Variants in PLK2 observed in about 807,000 individuals in gnomAD.
The protein encoded by PLK2 is serine/threonine-protein kinase PLK2.
A neutral mutation model predicts 78.1 loss-of-function variants in PLK2; 25 were observed. The observed-to-expected ratio is 0.32, with a 90% CI of 0.23 to 0.45. The LOEUF is 0.45. Among genes scored for constraint, PLK2 ranks in the 20% least tolerant of loss-of-function variants. The probability of loss-of-function intolerance (pLI) is 1.00; values close to 1 mark genes in which losing one functional copy is unlikely to be tolerated. For synonymous variants in PLK2, 332 were observed against 298.2 expected, an observed-to-expected ratio of 1.11 and a Z score of -1.17; for missense variants, 566 against 840.2, an observed-to-expected ratio of 0.67 and a Z score of 4.04.
chr5:58,458,366 C>T (rs375589304), intron 4 of PLK2, 33 bp downstream of exon 4: 50 of 1,608,826 alleles, frequency 3.1e-5, no homozygotes, highest in Non-Finnish European at 4.0e-5. Flanking sequence ...AGAACTCTAA[C>T]ACAAAACTCA....
At chr5:58,455,970 AT>A (rs1488471512) in intron 10 of PLK2, 55 bp downstream of exon 10, 1 of 1,572,828 alleles carries the variant, frequency 6.4e-7, no homozygotes, top group African/African-American at 1.4e-5. Flanking sequence ...ATTATTATGT[AT>A]TTAGCACTGG....
At chr5:58,459,653 C>T (rs1476000226) in intron 1 of PLK2, 37 bp downstream of exon 1, 2 of 1,516,274 alleles carry the variant, frequency 1.3e-6, no homozygotes, top group African/African-American at 2.8e-5. Flanking sequence ...GACAGACCTC[C>T]CGCCCGCCCG....
Position 58,454,475 on chromosome 5 carries a change from A to G in PLK2, c.*108T>C. On this transcript the variant is annotated 3_prime_UTR_variant, in exon 14 of 14. Coordinates refer to ENST00000274289, the MANE Select transcript of PLK2 (RefSeq NM_006622.4). ...CAGGCCACAGGGGAATTGTTTTCGTACCACCACATGTCCATCTTCTTCAAC... is the reference window on the plus strand; with the variant it reads ...CAGGCCACAGGGGAATTGTTTTCGTGCCACCACATGTCCATCTTCTTCAAC... The G allele has an allele frequency of 1.3e-6, 1 of 789,030 alleles. No individual in the cohort carries two copies. Among genetic ancestry groups the G allele is most frequent in the Non-Finnish European group, 2.1e-6 (1 of 481,488 alleles). 48.9% of individuals were successfully genotyped at this position (789,030 alleles called of 1,614,324 possible). A position where few individuals can be genotyped will look rare whatever the true frequency, so the allele number is the denominator to read the frequency against.
At position 58,457,538 on chromosome 5, in the gene PLK2, G is replaced by A. The variant is rs1743642378; in HGVS notation, c.759C>T (p.Asn253=). Residue 253 remains asparagine (N), a synonymous_variant, in exon 6 of 14, where the codon AAC becomes AAT. Coordinates refer to ENST00000274289, the MANE Select transcript of PLK2 (RefSeq NM_006622.4). ...CTGATTCACAGCCATGTCCTTGTTT[G>A]TTGAGGACTTCAGGAGAGAGATAAT... is the stretch of plus-strand genomic sequence containing the variant. ...TPNYLSPEVL[N]KQGHGCESDI... 2 of 1,613,052 alleles carry A rather than the reference G, an allele frequency of 1.2e-6. No homozygotes were observed. The highest frequency in any genetic ancestry group is 2.2e-5 in the East Asian group (1 of 44,888).
chr5:58,456,890 C>T, intron 8 of PLK2, 55 bp downstream of exon 8: 6 of 1,197,268 alleles, frequency 5.0e-6, no homozygotes, highest in South Asian at 4.8e-5. Context: ...ACTAATTTAC[C>T]AAATTTAAAT....
Position 58,455,769 on chromosome 5 carries a change from G to A in PLK2, c.1395C>T (p.Asp465=). The change falls in exon 11 of 14, where the codon GAC becomes GAT. Residue 465 remains aspartate (D), a synonymous_variant. Coordinates refer to ENST00000274289, the MANE Select transcript of PLK2 (RefSeq NM_006622.4). ...TGTCTGCAACACTTCCCATGGTACT[G>A]TCTTCAAGGCCTGAAAAGTCAGACA... ...SCSSSSECLE[D]STMGSVADTV... 1 of 1,613,302 alleles carries A rather than the reference G, an allele frequency of 6.2e-7. No individual in the cohort carries two copies. The highest frequency in any genetic ancestry group is 1.1e-5 in the South Asian group (1 of 91,078).
Position 58,455,996 on chromosome 5 carries a change from T to C in PLK2, c.1384+30A>G, listed in dbSNP as rs774007596. The C allele has an allele frequency of 3.8e-6, 6 of 1,598,326 alleles. No individual in the cohort carries two copies. In the South Asian group the frequency reaches 4.5e-5, roughly 12 times the overall value. On this transcript the variant is annotated intron_variant, in intron 10 of 13. Coordinates refer to ENST00000274289, the MANE Select transcript of PLK2 (RefSeq NM_006622.4). ...TTTAGCACTGGCATTTCGAGTTTCA[T>C]TATTTAAAATACGATTGACAACCAC...
rs537147486 is a variant in PLK2, at chr5:58,456,952, G to A, written c.1149C>T (p.Asp383=). ...GAAGTCTTGTTAACTTACTATGTGT[G>A]TCAATATATCTTGCTTTGTCTTTTT... is the stretch of plus-strand genomic sequence containing the variant. ...GGKKDKARYI[D]THNRVSKEDE... The change falls in exon 8 of 14, where the codon GAC becomes GAT. Residue 383 remains aspartate (D), a synonymous_variant. Coordinates refer to ENST00000274289, the MANE Select transcript of PLK2 (RefSeq NM_006622.4). 1.2e-5 allele frequency: 19 copies of A among 1,599,744 alleles called. No individual in the cohort carries two copies. In the East Asian group the frequency reaches 3.8e-4, roughly 32 times the overall value.
chr5:58,455,370 G>A lies in PLK2; in HGVS notation c.1670C>T (p.Pro557Leu). 1 of 1,613,996 alleles carries A rather than the reference G, an allele frequency of 6.2e-7. No homozygotes were observed. Among genetic ancestry groups the A allele is most frequent in the Non-Finnish European group, 8.5e-7 (1 of 1,179,888 alleles). Residue 557 changes from proline to leucine, a missense_variant, in exon 12 of 14, where the codon CCA (proline) becomes CTA (leucine). Physicochemically the swap from Pro to Leu is moderately conservative, Grantham distance 98. Transcript: ENST00000274289. ...AAATTGCTCAGGAGCATCTGTTGCTGGGAAAACTGAGCATTGGCCAAGCTC... is the reference window on the plus strand; with the variant it reads ...AAATTGCTCAGGAGCATCTGTTGCTAGGAAAACTGAGCATTGGCCAAGCTC... ...YAELGQCSVF[P>L]ATDAPEQFIS...
rs1338885665 is a variant in PLK2 at position 58,457,043 on chromosome 5, T to C, written c.1058A>G (p.Asp353Gly). 6.2e-7 allele frequency: 1 copy of C among 1,613,632 alleles called. No individual in the cohort carries two copies. Among genetic ancestry groups the C allele is most frequent in the Non-Finnish European group, 8.5e-7 (1 of 1,179,814 alleles). ...LSSSCCHTVP[D>G]FHLSSPAKNF... ...CTTAGCTGGGCTTGATAAGTGGAAATCTGGAACTGTATGACAACAGCTAGA... is the reference window on the plus strand; with the variant it reads ...CTTAGCTGGGCTTGATAAGTGGAAACCTGGAACTGTATGACAACAGCTAGA... The change falls in exon 8 of 14, where the codon GAT becomes GGT. Residue 353 changes from aspartate (D) to glycine (G), a missense_variant. Asp to Gly is a moderately conservative substitution (Grantham distance 94). Around this residue, in one of 5 missense-constraint regions of PLK2, gnomAD observed 179 missense variants for 342.3 expected, o/e 0.52. Transcript: ENST00000274289.
chr5:58,458,900 AT>A, intron 2 of PLK2, 59 bp from the exon 3 acceptor site: 1 of 1,309,490 alleles, frequency 7.6e-7, no homozygotes, highest in Non-Finnish European at 1.1e-6. Flanking sequence ...AAAGCCAGTG[AT>A]TACACATGCA....
chr5:58,458,342 CAGAGAG>C lies in PLK2; in HGVS notation c.625+51_625+56del, dbSNP rs750559216. On this transcript the variant is annotated intron_variant, in intron 4 of 13. Coordinates refer to ENST00000274289, the MANE Select transcript of PLK2 (RefSeq NM_006622.4). ...AAGAACATTAATATGTAAAAAAAAA[CAGAGAG>C]AGAAAAAAGAACTCTAACACAAAAC... The C allele has an allele frequency of 3.4e-4, 530 of 1,568,292 alleles. 3 individuals are homozygous for C. In the African/African-American group the frequency reaches 6.2e-3, roughly 18 times the overall value.
At chr5:58,457,613 A>C in intron 5 of PLK2, 30 bp from the exon 6 acceptor site, 1 of 1,292,798 alleles carries the variant, frequency 7.7e-7, no homozygotes, top group African/African-American at 1.5e-5. Context: ...AGATCGTGTT[A>C]GGAACTATTC....
In PLK2 at chr5:58,457,167, GATA is replaced by G. The variant is rs1561216379; in HGVS notation, c.1008+11_1008+13del. ...CAATACCAGGTAATTAAAAAAAAAA[GATA>G]GTGCACCAACCTGCAAAAAAAAGTC... On this transcript the variant is annotated intron_variant, in intron 7 of 13. Transcript: ENST00000274289. The G allele has an allele frequency of 1.2e-6, 2 of 1,609,444 alleles. No individual in the cohort carries two copies. Among genetic ancestry groups the G allele is most frequent in the Admixed American group, 3.4e-5 (2 of 59,636 alleles).
chr5:58,457,030 T>C lies in PLK2; in HGVS notation c.1071A>G (p.Ser357=). 3 of 1,613,690 alleles carry C rather than the reference T, an allele frequency of 1.9e-6. No individual in the cohort carries two copies. In the South Asian group the frequency reaches 3.3e-5, roughly 18 times the overall value. ...TCTTAAAGAAATTCTTAGCTGGGCT[T>C]GATAAGTGGAAATCTGGAACTGTAT... is the stretch of plus-strand genomic sequence containing the variant. The part of the protein sequence containing the change: ...CCHTVPDFHL[S]SPAKNFFKKA... The change falls in exon 8 of 14, where the codon TCA becomes TCG. Residue 357 remains serine (S), a synonymous_variant. Transcript: ENST00000274289.
chr5:58,459,565 C>A (rs73094329), intron 1 of PLK2, 125 bp downstream of exon 1: 11,270 of 807,212 alleles, frequency 0.014, 337 homozygotes, highest in East Asian at 0.083. Context: ...GCCCACCTCG[C>A]GCTGGGATCG....
At chr5:58,458,899 G>C in intron 2 of PLK2, 58 bp from the exon 3 acceptor site, 1 of 1,304,952 alleles carries the variant, frequency 7.7e-7, no homozygotes, top group Admixed American at 1.7e-5. Context: ...AAAAGCCAGT[G>C]ATTACACATG....
Position 58,455,540 on chromosome 5 carries a change from T to C in PLK2, c.1624A>G (p.Lys542Glu), listed in dbSNP as rs1168187402. The change falls in exon 11 of 14, where the codon AAA becomes GAA. Residue 542 changes from lysine to glutamate, a missense_variant and splice_region_variant. Coordinates refer to ENST00000274289, the MANE Select transcript of PLK2 (RefSeq NM_006622.4). ...GATTTCATTAATTGATACACTTACT[T>C]TTTGTCTGGAAGGAGGCTCATGTGA... ...GAHMSLLPDKKTVHYYAELGQ... is the reference protein window; with the variant it reads ...GAHMSLLPDKETVHYYAELGQ... 1 of 1,614,104 alleles carries C rather than the reference T, an allele frequency of 6.2e-7. No homozygotes were observed. Among genetic ancestry groups the C allele is most frequent in the Admixed American group, 1.7e-5 (1 of 60,026 alleles).
At position 58,457,247 on chromosome 5, in the gene PLK2, C is replaced by T; in HGVS notation, c.942G>A (p.Met314Ile). ...LAPAKHLIAS[M>I]LSKNPEDRPS... Reference sequence around the variant, plus strand: ...GACGATCCTCTGGGTTTTTGGACAACATACTAGCAATTAAGTGCTTGGCAG... The same window carrying T: ...GACGATCCTCTGGGTTTTTGGACAATATACTAGCAATTAAGTGCTTGGCAG... Residue 314 changes from methionine to isoleucine, a missense_variant, in exon 7 of 14, where the codon ATG becomes ATA. Coordinates refer to ENST00000274289, the MANE Select transcript of PLK2 (RefSeq NM_006622.4). The T allele has an allele frequency of 6.2e-7, 1 of 1,614,058 alleles. No individual in the cohort carries two copies. Among genetic ancestry groups the T allele is most frequent in the Non-Finnish European group, 8.5e-7 (1 of 1,179,994 alleles).
Sources: allele counts gnomAD v4.1 joint callset, GRCh38; gene constraint gnomAD v4.1.1; regional missense constraint gnomAD v4.1.1; transcripts MANE v1.5; gene names NCBI Gene and HGNC (gene_info 2026-07-23, HGNC 2026-07-21).